Variants in LRIG2 observed in about 807,000 individuals in gnomAD.
The protein encoded by LRIG2 is leucine rich repeats and immunoglobulin like domains 2.
In LRIG2, 93 loss-of-function variants were observed where a neutral mutation model predicts 107.8. The ratio of observed to expected loss-of-function variants is 0.86; its 90% CI spans 0.73 to 1.03. The LOEUF is 1.03. Among genes scored for constraint, LRIG2 ranks in the 50% least tolerant of loss-of-function variants. LRIG2 has a pLI of 0.00. For synonymous variants in LRIG2, 471 were observed against 470.6 expected, an observed-to-expected ratio of 1.00 and a Z score of -0.01; for missense variants, 1,226 against 1,296.0, an observed-to-expected ratio of 0.95 and a Z score of 0.83.
At chr1:113,078,919 T>C (rs1309523062) in intron 1 of LRIG2, among the ~76,000 whole-genome samples, 2 of 152,152 alleles carry the variant, frequency 1.3e-5, no homozygotes, top group Admixed American at 6.6e-5. Flanking sequence ...GGATTACAGT[T>C]GTGAGCCACC....
intron 1 of LRIG2, among the ~76,000 whole-genome samples, chr1:113,088,044 ATAACT>A (rs1457956067): frequency 2.6e-5 from 4 of 152,234 alleles, no homozygotes; most frequent in African/African-American, 9.6e-5. Context: ...TAGACACTTG[ATAACT>A]TAAAACAGTT....
At chr1:113,092,296 G>C (rs1653863175) in intron 2 of LRIG2, among the ~76,000 whole-genome samples, 1 of 152,162 alleles carries the variant, frequency 6.6e-6, no homozygotes, top group Admixed American at 6.5e-5. Flanking sequence ...CTAAAAACCA[G>C]GTTAATGAAA....
chr1:113,093,931 A>T (rs1463840644), intron 4 of LRIG2, among the ~76,000 whole-genome samples: 1 of 152,234 alleles, frequency 6.6e-6, no homozygotes, highest in Non-Finnish European at 1.5e-5. Context: ...CACTCACCCC[A>T]CAAGCCCCCT....
intron 1 of LRIG2, among the ~76,000 whole-genome samples, chr1:113,084,405 C>T (rs995611996): frequency 2.6e-5 from 4 of 151,906 alleles, no homozygotes; most frequent in East Asian, 3.9e-4. Context: ...TTAGTAGAGA[C>T]GGGGTTTCAC....
intron 1 of LRIG2, among the ~76,000 whole-genome samples, chr1:113,089,745 A>C (rs1028953855): frequency 2.4e-5 from 3 of 124,076 alleles, no homozygotes; most frequent in African/African-American, 8.8e-5. Context: ...GCAGTGGTGC[A>C]ATCTTGGCTC....
chr1:113,105,073 G>A (rs1328756949), intron 11 of LRIG2, among the ~76,000 whole-genome samples: 1 of 152,062 alleles, frequency 6.6e-6, no homozygotes, highest in Non-Finnish European at 1.5e-5. Flanking sequence ...TTGAACCTGG[G>A]AGGTGGAGGT....
At chr1:113,079,544 G>A (rs1299207247) in intron 1 of LRIG2, among the ~76,000 whole-genome samples, 2 of 149,070 alleles carry the variant, frequency 1.3e-5, no homozygotes, top group African/African-American at 2.5e-5. Context: ...TTAGCCAGCC[G>A]TGGTGGCGGG....
intron 12 of LRIG2, 187 bp downstream of exon 12, chr1:113,107,944 A>T: frequency 1.8e-6 from 1 of 559,814 alleles, no homozygotes; most frequent in Admixed American, 3.8e-5. Flanking sequence ...TGTTAACCTT[A>T]GGTTAGGTAT....
At chr1:113,112,395 C>G in intron 13 of LRIG2, 84 bp from the exon 14 acceptor site, 1 of 1,246,878 alleles carries the variant, frequency 8.0e-7, no homozygotes, top group Non-Finnish European at 1.1e-6. Flanking sequence ...GTCTTGCCTA[C>G]TAGATTCTTT....
intron 11 of LRIG2, among the ~76,000 whole-genome samples, chr1:113,102,914 T>A (rs1001802964): frequency 1.8e-4 from 28 of 152,274 alleles, no homozygotes; most frequent in Admixed American, 1.2e-3. Context: ...AAAGTAGATA[T>A]TTTGATCTGT....
chr1:113,098,804 A>T lies in LRIG2; in HGVS notation c.1172+19A>T. On this transcript the variant is annotated intron_variant, in intron 9 of 17. Transcript: ENST00000361127. Reference sequence around the variant, plus strand: ...CTAAACTGTATGTATTATAATATTTATGTATGTCTACATAGGCATGTTTTC... The same window carrying T: ...CTAAACTGTATGTATTATAATATTTTTGTATGTCTACATAGGCATGTTTTC... 6.9e-7 allele frequency: 1 copy of T among 1,439,430 alleles called. No individual in the cohort carries two copies. Among genetic ancestry groups the T allele is most frequent in the Non-Finnish European group, 9.8e-7 (1 of 1,021,984 alleles). The allele number at this position is 1,439,430 out of a possible 1,614,324, so 89.2% of individuals were successfully genotyped here. A position where few individuals can be genotyped will look rare whatever the true frequency, so the allele number is the denominator to read the frequency against.
At position 113,119,220 on chromosome 1, in the gene LRIG2, T is replaced by C; in HGVS notation, c.2681-13T>C. 1 of 1,594,786 alleles carries C rather than the reference T, an allele frequency of 6.3e-7. No homozygotes were observed. Among genetic ancestry groups the C allele is most frequent in the South Asian group, 1.1e-5 (1 of 89,356 alleles). On this transcript the variant is annotated splice_polypyrimidine_tract_variant and intron_variant, in intron 16 of 17. Transcript: ENST00000361127. Reference sequence around the variant, plus strand: ...TAACAGAAAGATATTTAGATTCTTTTTCTTGTTATTAGGTGGCACTGGTAC... The same window carrying C: ...TAACAGAAAGATATTTAGATTCTTTCTCTTGTTATTAGGTGGCACTGGTAC...
intron 11 of LRIG2, among the ~76,000 whole-genome samples, chr1:113,106,339 A>G (rs1654539855): frequency 6.6e-6 from 1 of 152,228 alleles, no homozygotes; most frequent in South Asian, 2.1e-4. Context: ...GCAAGTTCTC[A>G]AAATCATTTA....
intron 1 of LRIG2, among the ~76,000 whole-genome samples, chr1:113,085,844 G>A (rs1227442032): frequency 1.3e-5 from 2 of 152,160 alleles, no homozygotes; most frequent in Non-Finnish European, 2.9e-5. Flanking sequence ...TTAGTGTAAA[G>A]CTGTTAGTTG....
At chr1:113,096,399 T>TA (rs774743583) in intron 8 of LRIG2, 34 bp downstream of exon 8, 5 of 1,592,172 alleles carry the variant, frequency 3.1e-6, no homozygotes, top group Non-Finnish European at 3.4e-6. Context: ...TGGTTGTTGT[T>TA]ACTGATTTTT....
At chr1:113,088,008 A>C (rs1248672735) in intron 1 of LRIG2, among the ~76,000 whole-genome samples, 1 of 152,226 alleles carries the variant, frequency 6.6e-6, no homozygotes, top group Non-Finnish European at 1.5e-5. Flanking sequence ...TGCATGACTG[A>C]TCAGATCAAT....
chr1:113,089,720 C>G (rs534933552), intron 1 of LRIG2, among the ~76,000 whole-genome samples: 1 of 99,112 alleles, frequency 1.0e-5, no homozygotes, highest in East Asian at 3.6e-4. Context: ...CTTGCTTTGT[C>G]ACCGAGGCTG....
intron 1 of LRIG2, among the ~76,000 whole-genome samples, chr1:113,080,839 T>TTG (rs1392390116): frequency 9.0e-5 from 13 of 144,478 alleles, no homozygotes; most frequent in Admixed American, 2.7e-4. Context: ...ACTAAAAGTT[T>TTG]TTTTTTTTTT....
chr1:113,093,318 T>C lies in LRIG2; in HGVS notation c.380+38T>C, dbSNP rs562730027. 6.2e-5 allele frequency: 96 copies of C among 1,554,626 alleles called. No homozygotes were observed. In the South Asian group the frequency reaches 1.1e-3, roughly 18 times the overall value. ...GTTTTCAGGTTTTTTACTTAAATTA[T>C]GAAAAGTATACATTTTTTTTTTAAA... On this transcript the variant is annotated intron_variant, in intron 3 of 17. Transcript: ENST00000361127.
Sources: gnomAD v4.1 joint callset for allele counts (sites outside exome capture counted in the v4.1 genomes callset) on GRCh38, gnomAD v4.1.1 for gene constraint, MANE v1.5 for transcripts, NCBI Gene and HGNC (gene_info 2026-07-23, HGNC 2026-07-21) for gene names.